The following GIMAP8 variants were observed in gnomAD, a reference collection of about 807,000 sequenced individuals.
GIMAP8 encodes GTPase, IMAP family member 8.
In GIMAP8, 29 loss-of-function variants were observed where a neutral mutation model predicts 35.6. The observed-to-expected ratio is 0.81, with a 90% CI of 0.61 to 1.11. GIMAP8 has a LOEUF of 1.11. Ranked by LOEUF, GIMAP8 falls within the 50% of genes most tolerant of loss-of-function variation. GIMAP8 has a pLI of 0.00. For missense variants in GIMAP8, 811 were observed against 805.0 expected (o/e 1.01, Z -0.09); for synonymous variants, 335 against 308.7 (o/e 1.09, Z -0.89).
At chr7:150,453,754 G>C (rs1417043827) in intron 1 of GIMAP8, among the ~76,000 whole-genome samples, 1 of 152,126 alleles carries the variant, frequency 6.6e-6, no homozygotes, top group Non-Finnish European at 1.5e-5. Context: ...AAAGCACTAA[G>C]CAACTAAATG....
chr7:150,452,709 T>TACATACAC (rs1554492404), intron 1 of GIMAP8, among the ~76,000 whole-genome samples: 1 of 106,632 alleles, frequency 9.4e-6, no homozygotes, highest in Admixed American at 1.2e-4. Context: ...TATATATATA[T>TACATACAC]ACATGCGAGT....
rs144303536 is a variant in GIMAP8, at chr7:150,466,732, C to A, written c.34C>A (p.Arg12=). 3 of 1,614,168 alleles carry A rather than the reference C, an allele frequency of 1.9e-6. No homozygotes were observed. Among genetic ancestry groups the A allele is most frequent in the South Asian group, 2.2e-5 (2 of 91,080 alleles). Residue 12 remains arginine, a synonymous_variant, in exon 2 of 5, where the codon CGG becomes AGG. Coordinates refer to ENST00000307271, the MANE Select transcript of GIMAP8 (RefSeq NM_175571.4). ...GCAGAGCTGCCAGATGTCCGAACTG[C>A]GGCTCCTCCTCCTGGGAAAATGCCG... is the stretch of plus-strand genomic sequence containing the variant. ...SEQSCQMSEL[R]LLLLGKCRSG...
rs1297123568 is a variant in GIMAP8, at chr7:150,477,647, A to G, written c.1865A>G (p.Asn622Ser). 1.9e-6 allele frequency: 3 copies of G among 1,614,260 alleles called. No individual in the cohort carries two copies. Among genetic ancestry groups the G allele is most frequent in the East Asian group, 2.2e-5 (1 of 44,888 alleles). ...GTGAAAGCTCTTTTAACAAAGGTCA[A>G]TGATCTGAGAAAAGAAAGTGGGTGG... ...TQVKALLTKV[N>S]DLRKESGWSG... Residue 622 changes from asparagine to serine, a missense_variant, in exon 5 of 5, where the codon AAT becomes AGT. Transcript: ENST00000307271.
At position 150,477,539 on chromosome 7, in the gene GIMAP8, C is replaced by A; in HGVS notation, c.1757C>A (p.Ala586Asp). 1 of 1,614,186 alleles carries A rather than the reference C, an allele frequency of 6.2e-7. No homozygotes were observed. The highest frequency in any genetic ancestry group is 8.5e-7 in the Non-Finnish European group (1 of 1,180,030). ...EDFMKNSDNK[A>D]LRRIFKKCGR... ...TTCATGAAGAACTCAGATAACAAAG[C>A]CCTTCGGCGCATTTTTAAAAAGTGT... Residue 586 changes from alanine (A) to aspartate (D), a missense_variant, in exon 5 of 5, where the codon GCC becomes GAC. Ala to Asp is a moderately radical substitution (Grantham distance 126, BLOSUM62 -2). Coordinates refer to ENST00000307271, the MANE Select transcript of GIMAP8 (RefSeq NM_175571.4).
At chr7:150,454,258 A>T (rs1285715321) in intron 1 of GIMAP8, among the ~76,000 whole-genome samples, 1 of 144,560 alleles carries the variant, frequency 6.9e-6, no homozygotes, top group Non-Finnish European at 1.5e-5. Context: ...GTGGAGAGTC[A>T]CTGGGGGTGG....
chr7:150,456,451 C>T (rs1407388802), intron 1 of GIMAP8, among the ~76,000 whole-genome samples: 1 of 152,198 alleles, frequency 6.6e-6, no homozygotes, highest in African/African-American at 2.4e-5. Context: ...TCAAGTCCCT[C>T]TGTCTCTGTG....
chr7:150,472,063 A>G lies in GIMAP8; in HGVS notation c.682+1189A>G, dbSNP rs1212750379. Among the ~76,000 whole-genome samples, 1 of 152,180 alleles carries G rather than the reference A, an allele frequency of 6.6e-6. No homozygotes were observed. Among genetic ancestry groups the G allele is most frequent in the Non-Finnish European group, 1.5e-5 (1 of 68,044 alleles). On this transcript the variant is annotated intron_variant, in intron 3 of 4. Transcript: ENST00000307271. The surrounding 1 kb of genome is among the most constrained non-coding windows in gnomAD (Gnocchi z 4.1). The stretch of plus-strand genomic sequence containing the variant: ...GGCAGAAGGGTTTCAAAATTCTGGC[A>G]ATGCCCTTTGGCCGAGACCCCAGGA...
At position 150,474,430 on chromosome 7, in the gene GIMAP8, A is replaced by T; in HGVS notation, c.1101A>T (p.Glu367Asp). Residue 367 changes from glutamate (E) to aspartate (D), a missense_variant, in exon 4 of 5, where the codon GAA (glutamate) becomes GAT (aspartate). Physicochemically the swap from Glu to Asp is conservative, Grantham distance 45. Coordinates refer to ENST00000307271, the MANE Select transcript of GIMAP8 (RefSeq NM_175571.4). Reference protein sequence around the residue: ...EYMIILLTRKEDLGDQDLDTF... With the variant: ...EYMIILLTRKDDLGDQDLDTF... ...TGATCATACTTCTTACCAGGAAAGA[A>T]GATTTAGGGGATCAGGATCTAGATA... 1 of 1,614,004 alleles carries T rather than the reference A, an allele frequency of 6.2e-7. No individual in the cohort carries two copies. The highest frequency in any genetic ancestry group is 8.5e-7 in the Non-Finnish European group (1 of 1,179,896).
In GIMAP8 at chr7:150,472,094, C is replaced by T. The variant is rs934120715; in HGVS notation, c.682+1220C>T. Among the ~76,000 whole-genome samples the T allele has an allele frequency of 6.6e-6, 1 of 152,086 alleles. No homozygotes were observed. The highest frequency in any genetic ancestry group is 2.4e-5 in the African/African-American group (1 of 41,394). On this transcript the variant is annotated intron_variant, in intron 3 of 4. Transcript: ENST00000307271. This position sits in a 1 kb window ranked among gnomAD's most constrained non-coding sequence, Gnocchi z 4.1. ...CTTTGGCCGAGACCCCAGGAACACA[C>T]GTGTGACTGAACAAAAGTGCGTTTA...
chr7:150,473,593 T>TAA (rs1802141748), intron 3 of GIMAP8, among the ~76,000 whole-genome samples: 1 of 150,874 alleles, frequency 6.6e-6, no homozygotes. Flanking sequence ...ACTTTTTTTT[T>TAA]AATTGCTGAG....
chr7:150,478,829 CAGT>C lies in GIMAP8; in HGVS notation c.*1050_*1052del, dbSNP rs1293483929. The C allele has an allele frequency of 6.6e-6, 1 of 152,200 alleles. No homozygotes were observed. Among genetic ancestry groups the C allele is most frequent in the Non-Finnish European group, 1.5e-5 (1 of 68,068 alleles). 9.4% of individuals were successfully genotyped at this position (152,200 alleles called of 1,614,324 possible). The stretch of plus-strand genomic sequence containing the variant: ...TCGAATTTGCTTCTTGGTTTCAAGA[CAGT>C]GGTGTTCTTTCCATAGCTGAGCAGA... On this transcript the variant is annotated 3_prime_UTR_variant, in exon 5 of 5. Transcript: ENST00000307271.
In GIMAP8 at chr7:150,474,064, A is replaced by G. The variant is rs201154453; in HGVS notation, c.735A>G (p.Thr245=). The change falls in exon 4 of 5, where the codon ACA becomes ACG. Residue 245 remains threonine (T), a synonymous_variant. Transcript: ENST00000307271. ...CAGGACCCGAGCAGAATCCGGGGAC[A>G]TCAGAACTGACAGTCCTCCTTGTGG... ...QSTGPEQNPG[T]SELTVLLVGK... The G allele has an allele frequency of 3.1e-6, 5 of 1,614,184 alleles. No individual in the cohort carries two copies. The highest frequency in any genetic ancestry group is 4.5e-5 in the East Asian group (2 of 44,882).
At chr7:150,463,501 C>A (rs1308284375) in intron 1 of GIMAP8, among the ~76,000 whole-genome samples, 1 of 152,144 alleles carries the variant, frequency 6.6e-6, no homozygotes, top group Non-Finnish European at 1.5e-5. Context: ...CAGGGAAAGA[C>A]TTTTTTCTGT....
At chr7:150,470,958 T>G in intron 3 of GIMAP8, 84 bp downstream of exon 3, 2 of 1,087,206 alleles carry the variant, frequency 1.8e-6, no homozygotes, top group African/African-American at 1.7e-5. Context: ...GGAAACATTA[T>G]CCATATAAAC....
chr7:150,464,064 A>T (rs1044368148), intron 1 of GIMAP8, among the ~76,000 whole-genome samples: 1 of 152,244 alleles, frequency 6.6e-6, no homozygotes, highest in African/African-American at 2.4e-5. Flanking sequence ...CAGCAGTGAT[A>T]GGCAGGATAA....
chr7:150,463,512 A>C (rs940770749), intron 1 of GIMAP8, among the ~76,000 whole-genome samples: 1 of 152,180 alleles, frequency 6.6e-6, no homozygotes, highest in African/African-American at 2.4e-5. Flanking sequence ...TTTTTTCTGT[A>C]CACATATCTC....
In GIMAP8 at chr7:150,477,555, T is replaced by TAAAAAGTGTGGGCGGCGAGTTTGTGCTTA; in HGVS notation, c.1801_1802insAAAAAAGTGTGGGCGGCGAGTTTGTGCTT (p.Phe601Ter). ...ATAACAAAGCCCTTCGGCGCATTTT[T>TAAAAAGTGTGGGCGGCGAGTTTGTGCTTA]AAAAAGTGTGGGCGGCGAGTTTGTG... On this transcript the variant is annotated frameshift_variant, in exon 5 of 5. Coordinates refer to ENST00000307271, the MANE Select transcript of GIMAP8 (RefSeq NM_175571.4). LOFTEE classifies it low-confidence loss of function (END_TRUNC). 2 of 1,614,070 alleles carry TAAAAAGTGTGGGCGGCGAGTTTGTGCTTA rather than the reference T, an allele frequency of 1.2e-6. No homozygotes were observed. Among genetic ancestry groups the TAAAAAGTGTGGGCGGCGAGTTTGTGCTTA allele is most frequent in the Non-Finnish European group, 1.7e-6 (2 of 1,180,002 alleles).
Position 150,474,262 on chromosome 7 carries a change from C to G in GIMAP8, c.933C>G (p.Asn311Lys). 1.2e-6 allele frequency: 2 copies of G among 1,614,182 alleles called. No individual in the cohort carries two copies. Among genetic ancestry groups the G allele is most frequent in the Non-Finnish European group, 1.7e-6 (2 of 1,180,030 alleles). ...IDAPDISSLKNIDSEVRKHIC... is the reference protein window; with the variant it reads ...IDAPDISSLKKIDSEVRKHIC... Reference sequence around the variant, plus strand: ...CTCCGGACATCTCATCTTTAAAGAACATTGACTCAGAAGTTAGAAAACACA... The same window carrying G: ...CTCCGGACATCTCATCTTTAAAGAAGATTGACTCAGAAGTTAGAAAACACA... The change falls in exon 4 of 5, where the codon AAC becomes AAG. Residue 311 changes from asparagine to lysine, a missense_variant. Asn to Lys is a moderately conservative substitution (Grantham distance 94, BLOSUM62 0). Coordinates refer to ENST00000307271, the MANE Select transcript of GIMAP8 (RefSeq NM_175571.4).
Position 150,451,214 on chromosome 7 carries a change from C to G in GIMAP8, c.-29+39C>G, listed in dbSNP as rs556213501. 3 of 152,364 alleles carry G rather than the reference C, an allele frequency of 2.0e-5. No individual in the cohort carries two copies. The South Asian group carries it at 6.2e-4, about 32-fold the overall frequency. The allele number at this position is 152,364 out of a possible 1,614,324, so 9.4% of individuals were successfully genotyped here. ...GGATAGAGCCAGGTGGATTGCGGAG[C>G]CTCGGAGACTGTGGGACGCCGTGGG... On this transcript the variant is annotated intron_variant, in intron 1 of 4. Coordinates refer to ENST00000307271, the MANE Select transcript of GIMAP8 (RefSeq NM_175571.4). The surrounding 1 kb of genome is among the most constrained non-coding windows in gnomAD (Gnocchi z 4.1).
Sources: gnomAD v4.1 joint callset for allele counts (sites outside exome capture counted in the v4.1 genomes callset) on GRCh38, gnomAD v4.1.1 for gene constraint, Gnocchi (gnomAD v3.1) non-coding constraint, MANE v1.5 for transcripts, NCBI Gene and HGNC (gene_info 2026-07-23, HGNC 2026-07-21) for gene names.